Variants in PPM1H observed in about 807,000 individuals in gnomAD.
PPM1H encodes the protein protein phosphatase, Mg2+/Mn2+ dependent 1H, also known as protein phosphatase 1H.
A neutral mutation model predicts 54.9 loss-of-function variants in PPM1H; 27 were observed. The observed-to-expected ratio is 0.49, with a 90% CI of 0.36 to 0.68. The LOEUF (loss-of-function observed/expected upper bound fraction) is 0.68. Ranked by LOEUF, PPM1H falls within the 30% of genes least tolerant of loss-of-function variation. The pLI is 0.00. For synonymous variants in PPM1H, 305 were observed against 270.8 expected, an observed-to-expected ratio of 1.13 and a Z score of -1.24; for missense variants, 596 against 667.8, an observed-to-expected ratio of 0.89 and a Z score of 1.19.
intron 8 of PPM1H, among the ~76,000 whole-genome samples, chr12:62,672,326 A>T (rs143655351): frequency 2.6e-5 from 4 of 152,300 alleles, no homozygotes; most frequent in African/African-American, 9.6e-5. Context: ...TTTCCTTATG[A>T]TCTGATCACA....
intron 9 of PPM1H, among the ~76,000 whole-genome samples, chr12:62,663,334 T>TAAA (rs71967486): frequency 2.2e-4 from 33 of 149,754 alleles, no homozygotes; most frequent in East Asian, 3.9e-4. Context: ...AATTCTCTTT[T>TAAA]AAAAAAAAAA....
intron 9 of PPM1H, 27 bp downstream of exon 9, chr12:62,667,151 A>G (rs892230637): frequency 2.0e-6 from 3 of 1,528,260 alleles, no homozygotes; most frequent in Admixed American, 1.9e-5. Flanking sequence ...TTGAGGAACA[A>G]CCCTACAATT....
At chr12:62,789,035 T>C (rs570775625) in intron 3 of PPM1H, among the ~76,000 whole-genome samples, 79 of 149,164 alleles carry the variant, frequency 5.3e-4, no homozygotes, top group African/African-American at 1.8e-3. Context: ...CTTGTCTTTT[T>C]AGAGAAGGTT....
rs533495137 is a variant in PPM1H, at chr12:62,724,889, A to C, written c.955-4600T>G. On this transcript the variant is annotated intron_variant, in intron 5 of 9. Transcript: ENST00000228705. ...GAAGTAGGTTGGCTAAGGTTTCCAAAACTTTTACATTTAGAATCCAACTGC... is the reference window on the plus strand; with the variant it reads ...GAAGTAGGTTGGCTAAGGTTTCCAACACTTTTACATTTAGAATCCAACTGC... Among the ~76,000 whole-genome samples, 7 of 152,310 alleles carry C rather than the reference A, an allele frequency of 4.6e-5. No individual in the cohort carries two copies. In the South Asian group the frequency reaches 1.5e-3, roughly 32 times the overall value.
rs141753812 is a variant in PPM1H at position 62,848,218 on chromosome 12, T to C, written c.246-15939A>G. ...TAAATTAATCAGTAAATACATAAAA[T>C]TCTTACATCCTACATTTTCAAAATA... On this transcript the variant is annotated intron_variant, in intron 1 of 9. Coordinates refer to ENST00000228705, the MANE Select transcript of PPM1H (RefSeq NM_020700.2). Among the ~76,000 whole-genome samples the C allele has an allele frequency of 8.9e-3, 1,362 of 152,332 alleles. 26 individuals are homozygous for C. Among genetic ancestry groups the C allele is most frequent in the Middle Eastern group, 0.014 (4 of 294 alleles).
chr12:62,775,881 A>G (rs1338724398), intron 4 of PPM1H, among the ~76,000 whole-genome samples: 1 of 152,248 alleles, frequency 6.6e-6, no homozygotes, highest in African/African-American at 2.4e-5. Flanking sequence ...CTAAAAAGAC[A>G]TACCCAAGAC....
chr12:62,690,640 G>A (rs892109871), intron 7 of PPM1H, among the ~76,000 whole-genome samples: 5 of 152,224 alleles, frequency 3.3e-5, no homozygotes, highest in African/African-American at 1.2e-4. Context: ...TACATCATAT[G>A]TTGGGGACAC....
intron 6 of PPM1H, among the ~76,000 whole-genome samples, chr12:62,712,117 C>T (rs1437974635): frequency 6.6e-6 from 1 of 152,252 alleles, no homozygotes; most frequent in Non-Finnish European, 1.5e-5. Flanking sequence ...GGCCCCTCCC[C>T]ATGTGGGGCT....
intron 9 of PPM1H, among the ~76,000 whole-genome samples, chr12:62,651,834 C>T (rs958030489): frequency 6.6e-6 from 1 of 152,176 alleles, no homozygotes; most frequent in Non-Finnish European, 1.5e-5. Flanking sequence ...TTCTGCTTAA[C>T]CCTTTGTGTT....
At chr12:62,699,838 A>G (rs1481044255) in intron 6 of PPM1H, among the ~76,000 whole-genome samples, 2 of 152,196 alleles carry the variant, frequency 1.3e-5, no homozygotes, top group Non-Finnish European at 1.5e-5. Context: ...TATTCACCCA[A>G]TCTAGGAACC....
chr12:62,726,246 G>C (rs1565769956), intron 5 of PPM1H, among the ~76,000 whole-genome samples: 1 of 152,124 alleles, frequency 6.6e-6, no homozygotes, highest in African/African-American at 2.4e-5. Context: ...CACACAATTT[G>C]TAAAAACCTG....
Position 62,831,707 on chromosome 12 carries a change from ATGTG to A in PPM1H, c.411+403_411+406del, listed in dbSNP as rs371871033. On this transcript the variant is annotated intron_variant, in intron 2 of 9. Coordinates refer to ENST00000228705, the MANE Select transcript of PPM1H (RefSeq NM_020700.2). ...TGAAACCGTCAAACATTGTGTGTGT[ATGTG>A]TGTGTGTGTGTGTGTGTGAGTGTGT... 1.4e-3 allele frequency among the ~76,000 whole-genome samples: 168 copies of A among 117,216 alleles called. 2 individuals carry two copies. In the East Asian group the frequency reaches 0.023, roughly 16 times the overall value. The allele number at this position is 117,216 out of a possible 152,430, so 76.9% of individuals were successfully genotyped here. A position where few individuals can be genotyped will look rare whatever the true frequency, so the allele number is the denominator to read the frequency against.
intron 8 of PPM1H, among the ~76,000 whole-genome samples, chr12:62,677,847 C>T (rs746289980): frequency 6.6e-6 from 1 of 152,228 alleles, no homozygotes; most frequent in Non-Finnish European, 1.5e-5. Context: ...CTTTGGATCA[C>T]TTACTTCAGA....
chr12:62,814,636 C>T lies in PPM1H; in HGVS notation c.412-12476G>A, dbSNP rs77413992. On this transcript the variant is annotated intron_variant, in intron 2 of 9. Transcript: ENST00000228705. ...AGTCCTTAGCTTATTTAATATTATT[C>T]TTCCCTTTGCCACCCTAACTATTCA... 2.1e-3 allele frequency among the ~76,000 whole-genome samples: 316 copies of T among 152,330 alleles called. 1 individual carries two copies. The highest frequency in any genetic ancestry group is 7.3e-3 in the African/African-American group (305 of 41,580).
At chr12:62,778,251 C>G (rs1467852064) in intron 4 of PPM1H, among the ~76,000 whole-genome samples, 1 of 152,250 alleles carries the variant, frequency 6.6e-6, no homozygotes, top group Non-Finnish European at 1.5e-5. Flanking sequence ...ATTCCCTTTT[C>G]AATGCCACTG....
intron 6 of PPM1H, among the ~76,000 whole-genome samples, chr12:62,717,517 A>C (rs1431838663): frequency 6.6e-6 from 1 of 152,166 alleles, no homozygotes; most frequent in African/African-American, 2.4e-5. Context: ...GCAAGTGTGC[A>C]CGCAAGAGTG....
intron 2 of PPM1H, among the ~76,000 whole-genome samples, chr12:62,817,116 TAAAAAAAAAAAAAAAAAAAAGAAA>T (rs1240700830): frequency 2.4e-4 from 10 of 41,792 alleles, no homozygotes; most frequent in Non-Finnish European, 4.1e-4. Flanking sequence ...ACTGCATTAC[TAAAAAAAAAAAAAAAAAAAAGAAA>T]AAAAAAAAAA....
chr12:62,648,459 CCT>C lies in PPM1H; in HGVS notation c.*28_*29del, dbSNP rs1379514899. Reference sequence around the variant, plus strand: ...CCAAGAGGCATCCCAGCTTTCTTCCCCTCTGTCCTCCCAATCCCCTGGGCCAT... The same window carrying C: ...CCAAGAGGCATCCCAGCTTTCTTCCCCTGTCCTCCCAATCCCCTGGGCCAT... On this transcript the variant is annotated 3_prime_UTR_variant, in exon 10 of 10. Transcript: ENST00000228705. 1 of 1,611,856 alleles carries C rather than the reference CCT, an allele frequency of 6.2e-7. No homozygotes were observed. The highest frequency in any genetic ancestry group is 1.3e-5 in the African/African-American group (1 of 74,918).
At chr12:62,724,732 A>C (rs528855746) in intron 5 of PPM1H, among the ~76,000 whole-genome samples, 45 of 152,336 alleles carry the variant, frequency 3.0e-4, no homozygotes, top group African/African-American at 1.0e-3. Flanking sequence ...GAAAAAAAGC[A>C]GCCAATTAAA....
Sources: allele counts gnomAD v4.1 joint callset (sites outside exome capture counted in the v4.1 genomes callset), GRCh38; gene constraint gnomAD v4.1.1; transcripts MANE v1.5; gene names NCBI Gene and HGNC (gene_info 2026-07-23, HGNC 2026-07-21).